The following KIF3B variants were observed in gnomAD, a reference collection of about 807,000 sequenced individuals.
The protein encoded by KIF3B is kinesin family member 3B, also known as kinesin-like protein KIF3B.
Under a neutral mutation model 74.3 loss-of-function variants are expected in KIF3B, and 38 were observed. The observed-to-expected ratio is 0.51, with a 90% CI of 0.39 to 0.67. The LOEUF (loss-of-function observed/expected upper bound fraction) is 0.67. Ranked by LOEUF, KIF3B falls within the 30% of genes least tolerant of loss-of-function variation. The pLI is 0.00. For synonymous variants in KIF3B, 326 were observed against 342.5 expected, an observed-to-expected ratio of 0.95 and a Z score of 0.53; for missense variants, 649 against 932.0, an observed-to-expected ratio of 0.70 and a Z score of 3.95.
Position 32,331,406 on chromosome 20 carries a change from A to G in KIF3B, c.*87A>G. ...AAAAGCTGCAGAGAGGATTCGGCCC[A>G]AACTCAGAACTGTTCCCCTGAGGAG... On this transcript the variant is annotated 3_prime_UTR_variant, in exon 9 of 9. Transcript: ENST00000375712. 9.1e-7 allele frequency: 1 copy of G among 1,095,168 alleles called. No individual in the cohort carries two copies. Among genetic ancestry groups the G allele is most frequent in the Non-Finnish European group, 1.4e-6 (1 of 740,106 alleles). The allele number at this position is 1,095,168 out of a possible 1,614,324, so 67.8% of individuals were successfully genotyped here.
chr20:32,278,669 G>T (rs147290138), intron 1 of KIF3B, among the ~76,000 whole-genome samples: 19 of 152,210 alleles, frequency 1.2e-4, no homozygotes, highest in African/African-American at 4.6e-4. Flanking sequence ...AGATAGCTGG[G>T]GTCATGGTCT....
chr20:32,296,461 G>A (rs2047717599), intron 1 of KIF3B, among the ~76,000 whole-genome samples: 1 of 152,110 alleles, frequency 6.6e-6, no homozygotes, highest in Non-Finnish European at 1.5e-5. Flanking sequence ...TTAGCTCGGT[G>A]TGATGGTGGG....
rs1222496471 is a variant in KIF3B, at chr20:32,330,190, G to A, written c.2018G>A (p.Arg673Lys). Residue 673 changes from arginine to lysine, a missense_variant, in exon 8 of 9, where the codon AGA becomes AAA. By Grantham distance (26) the Arg-to-Lys change is conservative. This residue lies in a region of KIF3B where 186 missense variants were observed against 198.5 expected (regional missense o/e 0.94). Transcript: ENST00000375712. The part of the protein sequence containing the change: ...LELDMPSRTT[R>K]DYEGPAIAPK... ...CTGGACATGCCCAGCCGGACCACCAGAGACTATGAGGGTCCAGCCATTGCC... is the reference window on the plus strand; with the variant it reads ...CTGGACATGCCCAGCCGGACCACCAAAGACTATGAGGGTCCAGCCATTGCC... 5.0e-6 allele frequency: 8 copies of A among 1,614,144 alleles called. No homozygotes were observed. Among genetic ancestry groups the A allele is most frequent in the Non-Finnish European group, 5.9e-6 (7 of 1,180,014 alleles).
Position 32,316,226 on chromosome 20 carries a change from G to A in KIF3B, c.1413G>A (p.Glu471=), listed in dbSNP as rs35786592. 7,876 of 1,587,996 alleles carry A rather than the reference G, an allele frequency of 5.0e-3. 339 individuals carry two copies. The African/African-American group carries it at 0.094, about 19-fold the overall frequency. ...CTTTGTTTCTCACTCAGGCCATGGA[G>A]AGTAAGTTGCTTGTTGGAGGAAAAA... ...EMLGAKIKAM[E]SKLLVGGKNI... The change falls in exon 3 of 9, where the codon GAG becomes GAA. Residue 471 remains glutamate (E), a synonymous_variant. Transcript: ENST00000375712.
chr20:32,289,850 A>C (rs1207467673), intron 1 of KIF3B, among the ~76,000 whole-genome samples: 1 of 152,208 alleles, frequency 6.6e-6, no homozygotes, highest in African/African-American at 2.4e-5. Flanking sequence ...CTTTGGAGCC[A>C]GATGGACCTG....
chr20:32,322,816 ATATATT>A (rs1281546405), intron 5 of KIF3B, among the ~76,000 whole-genome samples: 1 of 67,944 alleles, frequency 1.5e-5, no homozygotes, highest in Non-Finnish European at 2.5e-5. Flanking sequence ...ATATATTTAT[ATATATT>A]TATATGTATA....
chr20:32,303,286 TG>T (rs1479893347), intron 1 of KIF3B, among the ~76,000 whole-genome samples: 2 of 152,086 alleles, frequency 1.3e-5, no homozygotes, highest in Non-Finnish European at 2.9e-5. Flanking sequence ...TATTTTAGAG[TG>T]GGCGCTGTGG....
At chr20:32,320,913 A>G (rs2047856777) in intron 5 of KIF3B, among the ~76,000 whole-genome samples, 1 of 152,024 alleles carries the variant, frequency 6.6e-6, no homozygotes, top group Non-Finnish European at 1.5e-5. Context: ...GTGAACATTC[A>G]TATTCAAGTT....
At chr20:32,320,142 G>A (rs1305124511) in intron 5 of KIF3B, among the ~76,000 whole-genome samples, 4 of 152,076 alleles carry the variant, frequency 2.6e-5, no homozygotes, top group Admixed American at 6.6e-5. Flanking sequence ...TGATCCACCC[G>A]CCTCAGCCTC....
rs62206868 is a variant in KIF3B, at chr20:32,333,967, T to C, written c.*2648T>C. 0.025 allele frequency: 3,839 copies of C among 152,740 alleles called. 120 individuals carry two copies. The highest frequency in any genetic ancestry group is 0.086 in the Admixed American group (1,319 of 15,280). The allele number at this position is 152,740 out of a possible 1,614,324, so 9.5% of individuals were successfully genotyped here. A position where few individuals can be genotyped will look rare whatever the true frequency, so the allele number is the denominator to read the frequency against. ...TGTCGTGCTGTCACCAGAAAGCTGC[T>C]GTTTTGGGTTCTGCATTGAGCCAAA... On this transcript the variant is annotated 3_prime_UTR_variant, in exon 9 of 9. Coordinates refer to ENST00000375712, the MANE Select transcript of KIF3B (RefSeq NM_004798.4).
At chr20:32,296,361 G>T (rs2047717164) in intron 1 of KIF3B, among the ~76,000 whole-genome samples, 1 of 152,074 alleles carries the variant, frequency 6.6e-6, no homozygotes, top group Admixed American at 6.6e-5. Context: ...AACACACTTT[G>T]GGAGGCTGAG....
intron 5 of KIF3B, among the ~76,000 whole-genome samples, chr20:32,324,201 T>C (rs980681758): frequency 1.3e-5 from 2 of 152,196 alleles, no homozygotes; most frequent in Non-Finnish European, 2.9e-5. Context: ...CTATCCCCTT[T>C]ATTTAGCTCT....
chr20:32,309,004 C>T (rs372373774), intron 1 of KIF3B, among the ~76,000 whole-genome samples: 3 of 151,814 alleles, frequency 2.0e-5, no homozygotes, highest in Non-Finnish European at 4.4e-5. Flanking sequence ...CATGAGCCAC[C>T]GCGCCCAGCC....
chr20:32,329,322 C>T (rs2047918967), intron 7 of KIF3B, among the ~76,000 whole-genome samples: 1 of 151,418 alleles, frequency 6.6e-6, no homozygotes, highest in Non-Finnish European at 1.5e-5. Flanking sequence ...GGATTACAGG[C>T]GTGAGCCACC....
rs1164970941 is a variant in KIF3B at position 32,277,699 on chromosome 20, C to A, written c.-132C>A. 7.6e-6 allele frequency: 2 copies of A among 261,592 alleles called. No homozygotes were observed. The highest frequency in any genetic ancestry group is 2.3e-5 in the African/African-American group (1 of 43,102). 16.2% of individuals were successfully genotyped at this position (261,592 alleles called of 1,614,324 possible). A position where few individuals can be genotyped will look rare whatever the true frequency, so the allele number is the denominator to read the frequency against. On this transcript the variant is annotated 5_prime_UTR_variant, in exon 1 of 9. Coordinates refer to ENST00000375712, the MANE Select transcript of KIF3B (RefSeq NM_004798.4). ...GCGGGGAATGGCTGAGCCAGGGGTT[C>A]GCCGCCCCCGCCGCCGCCGCCGCCG...
intron 1 of KIF3B, among the ~76,000 whole-genome samples, chr20:32,293,138 CAG>C (rs1196705788): frequency 6.6e-6 from 1 of 151,982 alleles, no homozygotes; most frequent in African/African-American, 2.4e-5. Context: ...CTTATAGTCC[CAG>C]GTACTTGGGA....
chr20:32,312,933 T>A (rs1005273885), intron 2 of KIF3B, among the ~76,000 whole-genome samples: 5 of 152,218 alleles, frequency 3.3e-5, no homozygotes, highest in African/African-American at 1.2e-4. Context: ...GCACTTGTGA[T>A]GATCAGACTA....
chr20:32,323,152 TTATATTTATATATTTATATTTA>T (rs1230128044), intron 5 of KIF3B, among the ~76,000 whole-genome samples: 5 of 34,636 alleles, frequency 1.4e-4, no homozygotes, highest in East Asian at 9.4e-3. Context: ...ATTTATATAT[TTATATTTATATATTTATATTTA>T]TATATTTATA....
intron 5 of KIF3B, among the ~76,000 whole-genome samples, chr20:32,319,542 A>ACG (rs2047847049): frequency 7.0e-6 from 1 of 143,672 alleles, no homozygotes; most frequent in South Asian, 2.2e-4. Flanking sequence ...ACACACACAC[A>ACG]CATATGTGTA....
Sources: allele counts gnomAD v4.1 joint callset (sites outside exome capture counted in the v4.1 genomes callset), GRCh38; gene constraint gnomAD v4.1.1; regional missense constraint gnomAD v4.1.1; transcripts MANE v1.5; gene names NCBI Gene and HGNC (gene_info 2026-07-23, HGNC 2026-07-21).